The following CELSR2 variants were observed in gnomAD, a reference collection of about 807,000 sequenced individuals.
CELSR2 encodes the protein cadherin EGF LAG seven-pass G-type receptor 2.
Under a neutral mutation model 251.6 loss-of-function variants are expected in CELSR2, and 81 were observed. The observed-to-expected ratio is 0.32, with a 90% CI of 0.27 to 0.39. The LOEUF (loss-of-function observed/expected upper bound fraction) is 0.39, where lower values mean the gene tolerates loss of function less well. CELSR2 is among the 10% of genes least tolerant of loss of function. CELSR2 has a pLI of 1.00. For synonymous variants in CELSR2, 1,721 were observed against 1,670.5 expected, an observed-to-expected ratio of 1.03 and a Z score of -0.74; for missense variants, 3,365 against 3,947.7, an observed-to-expected ratio of 0.85 and a Z score of 3.96.
At position 109,250,819 on chromosome 1, in the gene CELSR2, T is replaced by C. The variant is rs901397720; in HGVS notation, c.740T>C (p.Leu247Pro). Residue 247 changes from leucine (L) to proline (P), a missense_variant, in exon 1 of 34, where the codon CTG becomes CCG. Physicochemically the swap from Leu to Pro is moderately conservative, Grantham distance 98. Transcript: ENST00000271332. This position sits in a 1 kb window ranked among gnomAD's most constrained non-coding sequence, Gnocchi z 4.4. ...VTGAVTTAEE[L>P]DRETKSTHVF... ...GGTGCAGTAACCACAGCCGAGGAGC[T>C]GGATCGTGAGACCAAGAGCACCCAC... 9.9e-6 allele frequency: 16 copies of C among 1,614,062 alleles called. No individual in the cohort carries two copies. The highest frequency in any genetic ancestry group is 1.7e-5 in the Admixed American group (1 of 60,026).
In CELSR2 at chr1:109,271,312, G is replaced by T. The variant is rs1430254670; in HGVS notation, c.7676+16G>T. 1.2e-6 allele frequency: 2 copies of T among 1,613,836 alleles called. No individual in the cohort carries two copies. The highest frequency in any genetic ancestry group is 1.1e-5 in the South Asian group (1 of 91,072). ...AAGGTCCTGTGTGAGTATAGGGTTG[G>T]GGTGCCTGGGCCATGGGCAGGCACC... On this transcript the variant is annotated intron_variant, in intron 26 of 33. Coordinates refer to ENST00000271332, the MANE Select transcript of CELSR2 (RefSeq NM_001408.3).
rs748386264 is a variant in CELSR2, at chr1:109,263,278, C to T, written c.4834+11C>T. On this transcript the variant is annotated intron_variant, in intron 8 of 33. Transcript: ENST00000271332. ...AGAGCTGCGCCCAGGGTAGGAGGGG[C>T]GGCTGTTAGAGGCCACAGCCTGGGT... The T allele has an allele frequency of 1.2e-5, 18 of 1,564,070 alleles. No homozygotes were observed. The highest frequency in any genetic ancestry group is 5.8e-5 in the South Asian group (5 of 86,340).
chr1:109,272,414 C>T lies in CELSR2; in HGVS notation c.8054+9C>T, dbSNP rs202085579. ...ATCCCCTTCTTGCTGAGGTGAATCC[C>T]GGAGATGGGAGGGTGGAGGAGGGGA... On this transcript the variant is annotated intron_variant, in intron 29 of 33. Transcript: ENST00000271332. 6,245 of 1,602,348 alleles carry T rather than the reference C, an allele frequency of 3.9e-3. 21 individuals are homozygous for T. Among genetic ancestry groups the T allele is most frequent in the Non-Finnish European group, 3.9e-3 (4,515 of 1,172,360 alleles).
rs762634072 is a variant in CELSR2, at chr1:109,270,546, G to A, written c.7429G>A (p.Gly2477Ser). 26 of 1,613,974 alleles carry A rather than the reference G, an allele frequency of 1.6e-5. No individual in the cohort carries two copies. In the African/African-American group the frequency reaches 1.7e-4, roughly 11 times the overall value. ...CACTGAGGTGCGCGATGTCAACACC[G>A]GCCCCATGCGCTTCTACTACATGCT... Reference protein sequence around the residue: ...ALTEVRDVNTGPMRFYYMLGW... With the variant: ...ALTEVRDVNTSPMRFYYMLGW... The change falls in exon 24 of 34, where the codon GGC becomes AGC. Residue 2477 changes from glycine to serine, a missense_variant. By Grantham distance (56) the Gly-to-Ser change is moderately conservative. This residue lies in a region of CELSR2 where 2,093 missense variants were observed against 2,382.8 expected (regional missense o/e 0.88). Coordinates refer to ENST00000271332, the MANE Select transcript of CELSR2 (RefSeq NM_001408.3).
At position 109,269,155 on chromosome 1, in the gene CELSR2, A is replaced by G. The variant is rs758849448; in HGVS notation, c.6677A>G (p.Glu2226Gly). ...VRPAGPGEAQ[E>G]PEELARRQRR... ...CCCGCAGGCCCCGGAGAGGCCCAGG[A>G]GCCAGAGGAGCTGGCACGGCGACAG... The change falls in exon 20 of 34, where the codon GAG becomes GGG. Residue 2226 changes from glutamate to glycine, a missense_variant. Physicochemically the swap from Glu to Gly is moderately conservative, Grantham distance 98 (BLOSUM62 -2). Transcript: ENST00000271332. The surrounding 1 kb of genome is among the most constrained non-coding windows in gnomAD (Gnocchi z 6.4). 2 of 1,611,346 alleles carry G rather than the reference A, an allele frequency of 1.2e-6. No homozygotes were observed. Among genetic ancestry groups the G allele is most frequent in the South Asian group, 2.2e-5 (2 of 90,938 alleles).
In CELSR2 at chr1:109,271,520, G is replaced by A; in HGVS notation, c.7803+8G>A. The A allele has an allele frequency of 1.9e-6, 3 of 1,614,148 alleles. No homozygotes were observed. The highest frequency in any genetic ancestry group is 2.5e-6 in the Non-Finnish European group (3 of 1,180,036). ...ACCTGCAATTGCATCCAGGTACCTG[G>A]CCCAGCCTGTGGAGAAGGGAGGCAC... On this transcript the variant is annotated splice_region_variant and intron_variant, in intron 27 of 33. Coordinates refer to ENST00000271332, the MANE Select transcript of CELSR2 (RefSeq NM_001408.3).
In CELSR2 at chr1:109,269,473, CATG is replaced by C. The variant is rs1328947462; in HGVS notation, c.6870_6872del (p.Asp2290del). The C allele has an allele frequency of 6.2e-7, 1 of 1,614,092 alleles. No individual in the cohort carries two copies. The highest frequency in any genetic ancestry group is 1.7e-5 in the Admixed American group (1 of 60,028). ...CACACCCGTGGTGAGCATCAGCGTC[CATG>C]ATGATGAGGAGCTTCTGCCCCGGGC... On this transcript the variant is annotated inframe_deletion, in exon 21 of 34. Coordinates refer to ENST00000271332, the MANE Select transcript of CELSR2 (RefSeq NM_001408.3). This position sits in a 1 kb window ranked among gnomAD's most constrained non-coding sequence, Gnocchi z 6.4.
rs765078374 is a variant in CELSR2, at chr1:109,250,214, A to G, written c.135A>G (p.Arg45=). 83 of 1,601,378 alleles carry G rather than the reference A, an allele frequency of 5.2e-5. 1 individual carries two copies. In the South Asian group the frequency reaches 8.6e-4, roughly 16 times the overall value. Residue 45 remains arginine (R), a synonymous_variant, in exon 1 of 34, where the codon CGA becomes CGG. Coordinates refer to ENST00000271332, the MANE Select transcript of CELSR2 (RefSeq NM_001408.3). This position sits in a 1 kb window ranked among gnomAD's most constrained non-coding sequence, Gnocchi z 4.4. ...GTCGTTCCTTGGGGTCCAGGGGACG[A>G]GGCTCTTCGGGGGCCTGCGCCCCCA... ...GPCRSLGSRG[R]GSSGACAPMG... is the part of the protein sequence containing the mutation.
intron 1 of CELSR2, among the ~76,000 whole-genome samples, chr1:109,253,949 C>G (rs1465594414): frequency 6.6e-6 from 1 of 152,258 alleles, no homozygotes; most frequent in Non-Finnish European, 1.5e-5. Context: ...CTGACAGGGA[C>G]TTTGTCTAGC....
rs757788952 is a variant in CELSR2, at chr1:109,273,710, C to T, written c.8744+40C>T. 18 of 1,400,066 alleles carry T rather than the reference C, an allele frequency of 1.3e-5. No individual in the cohort carries two copies. The African/African-American group carries it at 1.3e-4, about 10-fold the overall frequency. 86.7% of individuals were successfully genotyped at this position (1,400,066 alleles called of 1,614,324 possible). ...GTGGGCGGGACGGGGTGCAGCCCCT[C>T]GGAGGCCTCACCTGGGCCCAGAGCT... On this transcript the variant is annotated intron_variant, in intron 33 of 33. Coordinates refer to ENST00000271332, the MANE Select transcript of CELSR2 (RefSeq NM_001408.3).
At chr1:109,268,122 C>T (rs1656257079) in intron 17 of CELSR2, 62 bp downstream of exon 17, 6 of 1,540,602 alleles carry the variant, frequency 3.9e-6, no homozygotes, top group South Asian at 1.2e-5. Context: ...TGAGCCTGCT[C>T]ATGGCAACCT....
chr1:109,261,287 T>A lies in CELSR2; in HGVS notation c.4181+23T>A, dbSNP rs924275476. The stretch of plus-strand genomic sequence containing the variant: ...CTCGTGAGTGGCTGGGCACTGGGGG[T>A]GGGGAGTGGGCCTGGTGGGCATCTG... On this transcript the variant is annotated intron_variant, in intron 3 of 33. Coordinates refer to ENST00000271332, the MANE Select transcript of CELSR2 (RefSeq NM_001408.3). This position sits in a 1 kb window ranked among gnomAD's most constrained non-coding sequence, Gnocchi z 4.8. 1.9e-6 allele frequency: 3 copies of A among 1,603,930 alleles called. No individual in the cohort carries two copies. The highest frequency in any genetic ancestry group is 2.6e-6 in the Non-Finnish European group (3 of 1,174,206).
At chr1:109,263,065 CCTCT>C (rs1250999095) in intron 7 of CELSR2, 73 bp from the exon 8 acceptor site, 14 of 1,579,764 alleles carry the variant, frequency 8.9e-6, no homozygotes, top group Non-Finnish European at 1.1e-5. Context: ...GTCTCAGAGG[CCTCT>C]CTAACTGCTG....
Position 109,252,629 on chromosome 1 carries a change from C to T in CELSR2, c.2550C>T (p.Val850=). The stretch of plus-strand genomic sequence containing the variant: ...GTGATTCTGGACTTAATGGCAGGGT[C>T]TTCTACACCTTCCAAGGAGGCGACG... ...TDRDSGLNGR[V]FYTFQGGDDG... The change falls in exon 1 of 34, where the codon GTC becomes GTT. Residue 850 remains valine (V), a synonymous_variant. Coordinates refer to ENST00000271332, the MANE Select transcript of CELSR2 (RefSeq NM_001408.3). The surrounding 1 kb of genome is among the most constrained non-coding windows in gnomAD (Gnocchi z 4.8). The T allele has an allele frequency of 6.2e-7, 1 of 1,613,820 alleles. No homozygotes were observed.
At chr1:109,262,778 T>C in intron 6 of CELSR2, 28 bp from the exon 7 acceptor site, 1 of 1,603,672 alleles carries the variant, frequency 6.2e-7, no homozygotes. Context: ...AGCCCTCCCT[T>C]GTGCCGCCAC....
chr1:109,259,711 G>C (rs973237917), intron 2 of CELSR2, among the ~76,000 whole-genome samples: 1 of 152,202 alleles, frequency 6.6e-6, no homozygotes, highest in African/African-American at 2.4e-5. Flanking sequence ...AGGGGGTTGA[G>C]TTCTGAGATG....
Position 109,273,317 on chromosome 1 carries a change from T to G in CELSR2, c.8490T>G (p.Ser2830=), listed in dbSNP as rs763383404. The G allele has an allele frequency of 6.3e-6, 10 of 1,598,478 alleles. No individual in the cohort carries two copies. The South Asian group carries it at 1.0e-4, about 16-fold the overall frequency. ...GGTCCCTAGGCCCCCTTCCAGGCTC[T>G]TCTGCCCAGCCTCACAAAGGTGAGT... is the stretch of plus-strand genomic sequence containing the variant. ...REGSLGPLPG[S]SAQPHKGILK... The change falls in exon 32 of 34, where the codon TCT becomes TCG. Residue 2830 remains serine (S), a synonymous_variant. Transcript: ENST00000271332.
At position 109,271,734 on chromosome 1, in the gene CELSR2, A is replaced by C; in HGVS notation, c.7926+12A>C. The C allele has an allele frequency of 1.2e-6, 2 of 1,613,214 alleles. No individual in the cohort carries two copies. The highest frequency in any genetic ancestry group is 1.7e-6 in the Non-Finnish European group (2 of 1,179,726). ...CCACCCTGACCTCGGTGAGGGAGCC[A>C]GGGGTCTCAGGAGGGCGGTGAAGGG... On this transcript the variant is annotated intron_variant, in intron 28 of 33. Coordinates refer to ENST00000271332, the MANE Select transcript of CELSR2 (RefSeq NM_001408.3).
intron 13 of CELSR2, among the ~76,000 whole-genome samples, 169 bp from the exon 14 acceptor site, chr1:109,265,566 C>T (rs945071708): frequency 6.6e-6 from 1 of 152,184 alleles, no homozygotes; most frequent in Non-Finnish European, 1.5e-5. Context: ...TGTGACATCT[C>T]GCTGATGGGC....
Sources: allele counts gnomAD v4.1 joint callset (sites outside exome capture counted in the v4.1 genomes callset), GRCh38; gene constraint gnomAD v4.1.1; regional missense constraint gnomAD v4.1.1; non-coding constraint Gnocchi (gnomAD v3.1); transcripts MANE v1.5; gene names NCBI Gene and HGNC (gene_info 2026-07-23, HGNC 2026-07-21).